ITGA6: variants seen among roughly 807,000 people sequenced by gnomAD.
The protein encoded by ITGA6 is integrin subunit alpha 6, also known as integrin alpha-6.
In ITGA6, 63 loss-of-function variants were observed where a neutral mutation model predicts 133.6. That is an observed-to-expected ratio of 0.47 (90% CI 0.38 to 0.58). The LOEUF (loss-of-function observed/expected upper bound fraction) is 0.58. Ranked by LOEUF, ITGA6 falls within the 20% of genes least tolerant of loss-of-function variation. The pLI, the probability that ITGA6 is intolerant of heterozygous loss-of-function variation, is 0.00. For synonymous variants in ITGA6, 434 were observed against 482.0 expected (o/e 0.90, Z 1.30); for missense variants, 1,068 against 1,309.4 (o/e 0.82, Z 2.85).
intron 1 of ITGA6, among the ~76,000 whole-genome samples, chr2:172,453,629 A>AT (rs1685096548): frequency 1.3e-5 from 2 of 152,194 alleles, no homozygotes; most frequent in Non-Finnish European, 2.9e-5. Flanking sequence ...CTGAAGGATG[A>AT]TTGCATGGGG....
At chr2:172,484,965 T>G in intron 12 of ITGA6, 23 bp downstream of exon 12, 1 of 1,613,112 alleles carries the variant, frequency 6.2e-7, no homozygotes, top group Non-Finnish European at 8.5e-7. Context: ...GATGGTCACA[T>G]CTGTTTTATG....
intron 4 of ITGA6, 124 bp from the exon 5 acceptor site, chr2:172,470,848 CCT>C: frequency 1.1e-6 from 1 of 881,574 alleles, no homozygotes; most frequent in South Asian, 1.5e-5. Flanking sequence ...CTCTGTCCTT[CCT>C]TTTTTTCCTC....
intron 1 of ITGA6, among the ~76,000 whole-genome samples, chr2:172,452,142 G>T (rs575208836): frequency 1.3e-5 from 2 of 151,968 alleles, no homozygotes; most frequent in Admixed American, 1.3e-4. Context: ...TTCTTTCTCC[G>T]GCTTCCCTCA....
Position 172,458,246 on chromosome 2 carries a change from C to CTTTT in ITGA6, c.183-7282_183-7279dup, listed in dbSNP as rs72218248. Among the ~76,000 whole-genome samples the CTTTT allele has an allele frequency of 3.5e-3, 501 of 143,698 alleles. 1 individual carries two copies. Among genetic ancestry groups the CTTTT allele is most frequent in the African/African-American group, 0.012 (459 of 38,926 alleles). 94.3% of individuals were successfully genotyped at this position (143,698 alleles called of 152,430 possible). A position where few individuals can be genotyped will look rare whatever the true frequency, so the allele number is the denominator to read the frequency against. On this transcript the variant is annotated intron_variant, in intron 1 of 25. Transcript: ENST00000684293. The stretch of plus-strand genomic sequence containing the variant: ...TTACAATGCACAAAAATAATGAATT[C>CTTTT]TTTTTTTTTTTTTTGAGACCATCTT...
chr2:172,504,062 GTTTCTC>G lies in ITGA6; in HGVS notation c.*23-18_*23-13del, dbSNP rs1169848751. On this transcript the variant is annotated intron_variant, in intron 25 of 25. Coordinates refer to ENST00000684293, the MANE Select transcript of ITGA6 (RefSeq NM_000210.4). ...ATTTGCTTCTTTGTGAGATTAATTT[GTTTCTC>G]TTTCTCTTTCCCTCTTCTCTAGTGT... 9 of 1,528,488 alleles carry G rather than the reference GTTTCTC, an allele frequency of 5.9e-6. No individual in the cohort carries two copies. The Admixed American group carries it at 6.4e-5, about 11-fold the overall frequency. The allele number at this position is 1,528,488 out of a possible 1,614,324, so 94.7% of individuals were successfully genotyped here. A position where few individuals can be genotyped will look rare whatever the true frequency, so the allele number is the denominator to read the frequency against.
chr2:172,477,435 C>T (rs72889963), intron 9 of ITGA6, among the ~76,000 whole-genome samples: 22,088 of 152,016 alleles, frequency 0.15, 1,709 homozygotes, highest in Non-Finnish European at 0.17. Context: ...AAATCCAGTA[C>T]ATTATTCCCA....
intron 6 of ITGA6, 57 bp downstream of exon 6, chr2:172,474,322 T>A: frequency 6.8e-7 from 1 of 1,468,900 alleles, no homozygotes; most frequent in Non-Finnish European, 9.5e-7. Context: ...GACTAGCTTC[T>A]ATACGACTGG....
At chr2:172,473,555 G>C (rs541646093) in intron 5 of ITGA6, among the ~76,000 whole-genome samples, 17 of 152,264 alleles carry the variant, frequency 1.1e-4, no homozygotes, top group African/African-American at 4.1e-4. Context: ...CTCTTACCAA[G>C]CTTAATTACT....
chr2:172,478,470 CA>C (rs1443684342), intron 9 of ITGA6, among the ~76,000 whole-genome samples: 2 of 152,154 alleles, frequency 1.3e-5, no homozygotes, highest in African/African-American at 2.4e-5. Flanking sequence ...TGGTGGGGAG[CA>C]ATGGAGGTGG....
intron 1 of ITGA6, among the ~76,000 whole-genome samples, chr2:172,451,276 C>A (rs893842710): frequency 2.6e-5 from 4 of 151,730 alleles, no homozygotes; most frequent in Non-Finnish European, 4.4e-5. Flanking sequence ...ACAAGACTGG[C>A]CAACATGGTG....
Position 172,484,939 on chromosome 2 carries a change from AC to A in ITGA6, c.1708del (p.Gln570ArgfsTer13). ...TGTGCATGGAGGAAACCCTGTGGCT[AC>A]AGGTGAGGGCTGCAGATGGTCACAT... ...KVCMEETLWL[Q>X]DNIRDKLRPI... is the part of the protein sequence containing the mutation. On this transcript the variant is annotated frameshift_variant and splice_region_variant, in exon 12 of 26. Coordinates refer to ENST00000684293, the MANE Select transcript of ITGA6 (RefSeq NM_000210.4). LOFTEE classifies it high-confidence loss of function. 1 of 1,614,138 alleles carries A rather than the reference AC, an allele frequency of 6.2e-7. No individual in the cohort carries two copies. Among genetic ancestry groups the A allele is most frequent in the Non-Finnish European group, 8.5e-7 (1 of 1,179,948 alleles).
rs1189584064 is a variant in ITGA6 at position 172,501,784 on chromosome 2, A to C, written c.3127A>C (p.Lys1043Gln). Residue 1043 changes from lysine to glutamine, a missense_variant, in exon 25 of 26, where the codon AAG becomes CAG. Physicochemically the swap from Lys to Gln is moderately conservative, Grantham distance 53. This residue lies in a region of ITGA6 where 609 missense variants were observed against 707.2 expected (regional missense o/e 0.86). Coordinates refer to ENST00000684293, the MANE Select transcript of ITGA6 (RefSeq NM_000210.4). ...VFILWKCGFF[K>Q]RNKKDHYDAT... Reference sequence around the variant, plus strand: ...TGCTTCCTTGTAGTGTGGTTTCTTCAAGAGAAATAAGAAAGATCATTATGA... The same window carrying C: ...TGCTTCCTTGTAGTGTGGTTTCTTCCAGAGAAATAAGAAAGATCATTATGA... 20 of 1,612,512 alleles carry C rather than the reference A, an allele frequency of 1.2e-5. No homozygotes were observed. Among genetic ancestry groups the C allele is most frequent in the Non-Finnish European group, 1.7e-5 (20 of 1,179,602 alleles).
rs370063380 is a variant in ITGA6, at chr2:172,485,081, G to A, written c.1711-40G>A. On this transcript the variant is annotated intron_variant, in intron 12 of 25. Transcript: ENST00000684293. ...TTGTTTTGGAATTCCCCAATAGCATGTACACCCCACTTAACTCTGACTGCA... is the reference window on the plus strand; with the variant it reads ...TTGTTTTGGAATTCCCCAATAGCATATACACCCCACTTAACTCTGACTGCA... 21 of 1,610,586 alleles carry A rather than the reference G, an allele frequency of 1.3e-5. No individual in the cohort carries two copies. In the African/African-American group the frequency reaches 2.3e-4, roughly 17 times the overall value.
chr2:172,465,721 T>C (rs1685636258), intron 2 of ITGA6, 58 bp downstream of exon 2: 2 of 1,610,362 alleles, frequency 1.2e-6, no homozygotes, highest in South Asian at 2.2e-5. Flanking sequence ...ACTGTTTCCA[T>C]GAGGGAGGAG....
chr2:172,493,519 C>T (rs1031389758), intron 23 of ITGA6, among the ~76,000 whole-genome samples: 1 of 152,010 alleles, frequency 6.6e-6, no homozygotes, highest in Non-Finnish European at 1.5e-5. Flanking sequence ...ATACTTTATA[C>T]TCTATCATTC....
Position 172,487,354 on chromosome 2 carries a change from T to C in ITGA6, c.2061T>C (p.Asn687=), listed in dbSNP as rs757066856. The C allele has an allele frequency of 6.8e-6, 11 of 1,614,012 alleles. No homozygotes were observed. Among genetic ancestry groups the C allele is most frequent in the Admixed American group, 1.7e-5 (1 of 60,008 alleles). Residue 687 remains asparagine, a synonymous_variant, in exon 15 of 26, where the codon AAT becomes AAC. Transcript: ENST00000684293. Reference sequence around the variant, plus strand: ...CAAACAGCCCTTCCAACCCAAGGAATCCCACAAAAGATGGCGATGACGCCC... The same window carrying C: ...CAAACAGCCCTTCCAACCCAAGGAACCCCACAAAAGATGGCGATGACGCCC... ...TVTNSPSNPR[N]PTKDGDDAHE...
At chr2:172,438,064 T>C (rs1251959925) in intron 1 of ITGA6, among the ~76,000 whole-genome samples, 1 of 151,660 alleles carries the variant, frequency 6.6e-6, no homozygotes, top group African/African-American at 2.4e-5. Context: ...CCATAGGAAC[T>C]CTTGAGGGGT....
chr2:172,471,273 C>T (rs1033113862), intron 5 of ITGA6, among the ~76,000 whole-genome samples, 168 bp downstream of exon 5: 5 of 152,168 alleles, frequency 3.3e-5, no homozygotes, highest in African/African-American at 1.2e-4. Flanking sequence ...GGCGTTAAAC[C>T]GACTGATGCC....
At chr2:172,500,133 AGAG>A (rs1687289242) in intron 24 of ITGA6, among the ~76,000 whole-genome samples, 1 of 152,118 alleles carries the variant, frequency 6.6e-6, no homozygotes, top group African/African-American at 2.4e-5. Context: ...ATATCCATGT[AGAG>A]GGCAAAGCTA....
Sources: allele counts gnomAD v4.1 joint callset (sites outside exome capture counted in the v4.1 genomes callset), GRCh38; gene constraint gnomAD v4.1.1; regional missense constraint gnomAD v4.1.1; transcripts MANE v1.5; gene names NCBI Gene and HGNC (gene_info 2026-07-23, HGNC 2026-07-21).